TMEM181: variants seen among roughly 807,000 people sequenced by gnomAD.
TMEM181 encodes the protein transmembrane protein 181.
TMEM181 carries 39 observed loss-of-function variants against 71.9 expected under a neutral mutation model. The observed-to-expected ratio is 0.54, with a 90% CI of 0.42 to 0.71. TMEM181 has a LOEUF of 0.71. Ranked by LOEUF, TMEM181 falls within the 30% of genes least tolerant of loss-of-function variation. The pLI, the probability that TMEM181 is intolerant of heterozygous loss-of-function variation, is 0.00. For synonymous variants in TMEM181, 245 were observed against 228.8 expected, an observed-to-expected ratio of 1.07 and a Z score of -0.64; for missense variants, 595 against 583.0, an observed-to-expected ratio of 1.02 and a Z score of -0.21.
chr6:158,629,599 A>G (rs1786543333), intron 14 of TMEM181, 131 bp from the exon 15 acceptor site: 3 of 716,050 alleles, frequency 4.2e-6, no homozygotes, highest in East Asian at 2.7e-5. Context: ...CGTCTGGGTA[A>G]TGGACCCCCG....
intron 6 of TMEM181, among the ~76,000 whole-genome samples, chr6:158,600,759 C>A (rs376970219): frequency 6.6e-6 from 1 of 152,162 alleles, no homozygotes; most frequent in African/African-American, 2.4e-5. Context: ...GTGTGAGCCA[C>A]CGCACCCGGC....
chr6:158,547,124 A>G (rs1781552183), intron 1 of TMEM181, among the ~76,000 whole-genome samples: 4 of 152,206 alleles, frequency 2.6e-5, no homozygotes, highest in Admixed American at 2.6e-4. Context: ...TCTACAAAAA[A>G]CACAGGAATT....
intron 1 of TMEM181, among the ~76,000 whole-genome samples, chr6:158,569,895 C>T (rs902434655): frequency 6.6e-6 from 1 of 152,206 alleles, no homozygotes; most frequent in East Asian, 1.9e-4. Flanking sequence ...TGAGCCACCG[C>T]ACCCAGCCTC....
At chr6:158,593,694 CATT>C (rs1351797564) in intron 6 of TMEM181, among the ~76,000 whole-genome samples, 1 of 152,210 alleles carries the variant, frequency 6.6e-6, no homozygotes, top group African/African-American at 2.4e-5. Flanking sequence ...CTGTTGAAGA[CATT>C]GTGTTGTGAA....
intron 1 of TMEM181, chr6:158,572,407 A>G (rs777156203): frequency 4.4e-6 from 2 of 456,742 alleles, no homozygotes; most frequent in South Asian, 3.1e-5. Flanking sequence ...AGACCAGAAC[A>G]TGCGAGGACA....
chr6:158,625,683 T>A lies in TMEM181; in HGVS notation c.1058-20T>A. ...TGGAATTTACTTCCAGAGTTGTTAA[T>A]GAGTTTCTTTCTTTTTCAGATCTCA... On this transcript the variant is annotated intron_variant, in intron 12 of 16. Coordinates refer to ENST00000684151, the MANE Select transcript of TMEM181 (RefSeq NM_001376852.1). 6.3e-7 allele frequency: 1 copy of A among 1,594,800 alleles called. No individual in the cohort carries two copies.
At chr6:158,590,934 C>G (rs1018967095) in intron 6 of TMEM181, among the ~76,000 whole-genome samples, 3 of 152,212 alleles carry the variant, frequency 2.0e-5, no homozygotes, top group East Asian at 3.8e-4. Flanking sequence ...CTGGACATTT[C>G]GTGTGAATGG....
rs1258169200 is a variant in TMEM181 at position 158,632,447 on chromosome 6, T to C, written c.*559T>C. 1.9e-5 allele frequency: 3 copies of C among 155,424 alleles called. No homozygotes were observed. Among genetic ancestry groups the C allele is most frequent in the African/African-American group, 4.8e-5 (2 of 41,498 alleles). 9.6% of individuals were successfully genotyped at this position (155,424 alleles called of 1,614,324 possible). On this transcript the variant is annotated 3_prime_UTR_variant, in exon 17 of 17. Coordinates refer to ENST00000684151, the MANE Select transcript of TMEM181 (RefSeq NM_001376852.1). Reference sequence around the variant, plus strand: ...TATGTGGACTGCGTTTTGTGCAGTGTGTGAGTTATGACTCATCGGGAATGG... The same window carrying C: ...TATGTGGACTGCGTTTTGTGCAGTGCGTGAGTTATGACTCATCGGGAATGG...
intron 6 of TMEM181, among the ~76,000 whole-genome samples, chr6:158,600,886 C>A (rs1052286301): frequency 6.6e-6 from 1 of 152,232 alleles, no homozygotes; most frequent in Non-Finnish European, 1.5e-5. Context: ...TTAAGAGTTA[C>A]GGTTCCTTGA....
Position 158,620,216 on chromosome 6 carries a change from C to CG in TMEM181, c.897-3327dup, listed in dbSNP as rs374671536. 6.6e-3 allele frequency among the ~76,000 whole-genome samples: 1,001 copies of CG among 151,968 alleles called. 9 individuals are homozygous for CG. Among genetic ancestry groups the CG allele is most frequent in the African/African-American group, 0.023 (938 of 41,432 alleles). ...CCATGTGGGCTGGTGAGAGGAGGCC[C>CG]GGGGGGGTCTATTTTTATTAGGCAT... On this transcript the variant is annotated intron_variant, in intron 10 of 16. Coordinates refer to ENST00000684151, the MANE Select transcript of TMEM181 (RefSeq NM_001376852.1). This position sits in a 1 kb window ranked among gnomAD's most constrained non-coding sequence, Gnocchi z 4.5.
In TMEM181 at chr6:158,625,761, A is replaced by C. The variant is rs1786239417; in HGVS notation, c.1109+7A>C. The C allele has an allele frequency of 4.4e-6, 7 of 1,608,220 alleles. No homozygotes were observed. The highest frequency in any genetic ancestry group is 1.7e-4 in the Middle Eastern group (1 of 6,048). The stretch of plus-strand genomic sequence containing the variant: ...TCGTAGTACTTGTCATTAGGTAAGA[A>C]GACCTTATTTCTTGAAAACAGCAAA... On this transcript the variant is annotated splice_region_variant and intron_variant, in intron 13 of 16. Transcript: ENST00000684151.
At chr6:158,573,696 C>T (rs1438536737) in intron 2 of TMEM181, among the ~76,000 whole-genome samples, 173 bp downstream of exon 2, 1 of 152,192 alleles carries the variant, frequency 6.6e-6, no homozygotes, top group African/African-American at 2.4e-5. Context: ...GCTGCTCTGT[C>T]TCTTGTGGGG....
Position 158,625,728 on chromosome 6 carries a change from ATTGACT to A in TMEM181, c.1086_1091del (p.Leu362_Thr363del). The A allele has an allele frequency of 6.2e-7, 1 of 1,611,096 alleles. No homozygotes were observed. Among genetic ancestry groups the A allele is most frequent in the Non-Finnish European group, 8.5e-7 (1 of 1,179,356 alleles). On this transcript the variant is annotated inframe_deletion, in exon 13 of 17. Coordinates refer to ENST00000684151, the MANE Select transcript of TMEM181 (RefSeq NM_001376852.1). ...ATCTCAGGTTGAAATTTTTGACTGC[ATTGACT>A]TTCGTAGTACTTGTCATTAGGTAAG...
intron 2 of TMEM181, among the ~76,000 whole-genome samples, chr6:158,577,872 CCT>C (rs1428584659): frequency 6.6e-6 from 1 of 152,154 alleles, no homozygotes; most frequent in Non-Finnish European, 1.5e-5. Flanking sequence ...GGGTGGATCA[CCT>C]GAGGTCGGGA....
At chr6:158,627,924 C>A (rs1335358844) in intron 13 of TMEM181, among the ~76,000 whole-genome samples, 3 of 152,138 alleles carry the variant, frequency 2.0e-5, no homozygotes, top group Non-Finnish European at 4.4e-5. Flanking sequence ...GAGTCTGAAC[C>A]AAAGATGTTG....
chr6:158,554,708 A>G (rs964022750), intron 1 of TMEM181, among the ~76,000 whole-genome samples: 1 of 152,274 alleles, frequency 6.6e-6, no homozygotes. Flanking sequence ...CCATGAAGAC[A>G]CAACATAAAA....
chr6:158,538,705 TAATA>T, intron 1 of TMEM181, among the ~76,000 whole-genome samples: 1 of 152,230 alleles, frequency 6.6e-6, no homozygotes, highest in Admixed American at 6.5e-5. Context: ...GGCTTACAGA[TAATA>T]AACCAAGTGA....
intron 5 of TMEM181, among the ~76,000 whole-genome samples, chr6:158,589,464 A>T (rs535352455): frequency 6.6e-6 from 1 of 152,276 alleles, no homozygotes; most frequent in South Asian, 2.1e-4. Flanking sequence ...GGTGTAAATC[A>T]TATATTATGT....
At chr6:158,616,429 A>G (rs568086762) in intron 10 of TMEM181, among the ~76,000 whole-genome samples, 17 of 152,340 alleles carry the variant, frequency 1.1e-4, no homozygotes, top group African/African-American at 4.1e-4. Flanking sequence ...GTCATCTGCA[A>G]ACAGGGACAA....
Sources: gnomAD v4.1 joint callset for allele counts (sites outside exome capture counted in the v4.1 genomes callset) on GRCh38, gnomAD v4.1.1 for gene constraint, Gnocchi (gnomAD v3.1) non-coding constraint, MANE v1.5 for transcripts, NCBI Gene and HGNC (gene_info 2026-07-23, HGNC 2026-07-21) for gene names.